Variants in SPECC1 observed in about 807,000 individuals in gnomAD.
SPECC1 encodes the protein sperm antigen with calponin homology and coiled-coil domains 1.
Under a neutral mutation model 104.1 loss-of-function variants are expected in SPECC1, and 62 were observed. That is an observed-to-expected ratio of 0.60 (90% CI 0.49 to 0.74). The LOEUF (loss-of-function observed/expected upper bound fraction) is 0.74. Ranked by LOEUF, SPECC1 falls within the 30% of genes least tolerant of loss-of-function variation. The pLI, the probability that SPECC1 is intolerant of heterozygous loss-of-function variation, is 0.00. For missense variants in SPECC1, 1,306 were observed against 1,310.5 expected (o/e 1.00, Z 0.05); for synonymous variants, 513 against 501.6 (o/e 1.02, Z -0.30).
chr17:20,074,958 A>T (rs1208132493), intron 1 of SPECC1, among the ~76,000 whole-genome samples: 1 of 152,016 alleles, frequency 6.6e-6, no homozygotes, highest in African/African-American at 2.4e-5. Context: ...GCTGGAGTGC[A>T]GTGTCTTGAT....
chr17:20,169,166 G>C (rs1225866447), intron 3 of SPECC1, among the ~76,000 whole-genome samples: 2 of 152,158 alleles, frequency 1.3e-5, no homozygotes, highest in Non-Finnish European at 2.9e-5. Flanking sequence ...AGCCACTCTG[G>C]CCACAATGGT....
intron 12 of SPECC1, among the ~76,000 whole-genome samples, chr17:20,263,700 C>T (rs1417357363): frequency 6.6e-6 from 1 of 152,146 alleles, no homozygotes; most frequent in African/African-American, 2.4e-5. Context: ...ACTGATGCCG[C>T]CTGTGCTGTT....
At chr17:20,051,056 TTCTTTCTTTC>T (rs2045722903) in intron 1 of SPECC1, among the ~76,000 whole-genome samples, 1 of 136,060 alleles carries the variant, frequency 7.3e-6, no homozygotes, top group African/African-American at 2.6e-5. Flanking sequence ...GGTTCTTTCT[TTCTTTCTTTC>T]TTTTTCTTTC....
chr17:20,025,045 A>G (rs1222939284), intron 1 of SPECC1, among the ~76,000 whole-genome samples: 1 of 152,232 alleles, frequency 6.6e-6, no homozygotes, highest in African/African-American at 2.4e-5. Flanking sequence ...AGTTTAGCCT[A>G]GTCAGTGTTC....
chr17:20,092,555 A>T (rs1271555363), intron 1 of SPECC1, among the ~76,000 whole-genome samples: 2 of 152,194 alleles, frequency 1.3e-5, no homozygotes, highest in African/African-American at 4.8e-5. Flanking sequence ...CTCTGTGTAG[A>T]AGAGTGTGTT....
chr17:20,248,482 C>G (rs142106680), intron 9 of SPECC1, among the ~76,000 whole-genome samples: 4 of 152,150 alleles, frequency 2.6e-5, no homozygotes, highest in African/African-American at 7.2e-5. Flanking sequence ...TCCAGCATGT[C>G]GAAAAACTTG....
intron 1 of SPECC1, among the ~76,000 whole-genome samples, chr17:20,086,521 C>T (rs765521267): frequency 6.6e-6 from 1 of 152,214 alleles, no homozygotes; most frequent in Non-Finnish European, 1.5e-5. Flanking sequence ...CACCCTCTGG[C>T]TTCTCTTGTT....
intron 9 of SPECC1, among the ~76,000 whole-genome samples, chr17:20,249,733 T>G (rs2039552940): frequency 6.6e-6 from 1 of 152,018 alleles, no homozygotes; most frequent in Admixed American, 6.5e-5. Context: ...CTTAAAGAAC[T>G]GAAGACAAGT....
chr17:20,277,983 T>C (rs78460626), intron 12 of SPECC1, among the ~76,000 whole-genome samples: 125 of 152,232 alleles, frequency 8.2e-4, no homozygotes, highest in Non-Finnish European at 1.5e-3. Context: ...TTGTGATTTT[T>C]CCTTGTGTCT....
Position 20,306,065 on chromosome 17 carries a change from G to A in SPECC1, c.3100G>A (p.Gly1034Ser), listed in dbSNP as rs753642152. The change falls in exon 14 of 15, where the codon GGC becomes AGC. Residue 1034 changes from glycine to serine, a missense_variant. Physicochemically the swap from Gly to Ser is moderately conservative, Grantham distance 56. Around this residue, in one of 2 missense-constraint regions of SPECC1, gnomAD observed 129 missense variants for 170.6 expected, o/e 0.76. Coordinates refer to ENST00000395527, the MANE Select transcript of SPECC1 (RefSeq NM_001243439.2). The stretch of plus-strand genomic sequence containing the variant: ...GGCATTTGAAGCGGCTGAAAGTGTA[G>A]GCATCAAACCCAGCCTGGTACGTAT... ...LLAFEAAESV[G>S]IKPSLELSEM... 1 of 1,613,948 alleles carries A rather than the reference G, an allele frequency of 6.2e-7. No individual in the cohort carries two copies. Among genetic ancestry groups the A allele is most frequent in the Non-Finnish European group, 8.5e-7 (1 of 1,179,970 alleles).
intron 3 of SPECC1, among the ~76,000 whole-genome samples, chr17:20,116,753 G>A (rs2048773841): frequency 7.1e-6 from 1 of 140,358 alleles, no homozygotes; most frequent in African/African-American, 2.6e-5. Context: ...AATGGGGGAC[G>A]ATTTTGTCCC....
intron 11 of SPECC1, among the ~76,000 whole-genome samples, chr17:20,258,718 G>A (rs1215571086): frequency 6.6e-6 from 1 of 152,194 alleles, no homozygotes; most frequent in Non-Finnish European, 1.5e-5. Context: ...AGCCTGAATC[G>A]TTTTTCTTTT....
At chr17:20,259,610 G>A (rs2703789) in intron 11 of SPECC1, among the ~76,000 whole-genome samples, 107,642 of 151,960 alleles carry the variant, frequency 0.71, 39,929 homozygotes, top group East Asian at 0.99. Context: ...GCCTCAAGCA[G>A]TCCTCCCTTC....
Position 20,314,144 on chromosome 17 carries a change from C to G in SPECC1, c.*79C>G. On this transcript the variant is annotated 3_prime_UTR_variant, in exon 15 of 15. Transcript: ENST00000395527. Reference sequence around the variant, plus strand: ...AGCGCCTGATTACTGTCCACTGACCCTGCTCTGCCCACCACCCAGCTGCCT... The same window carrying G: ...AGCGCCTGATTACTGTCCACTGACCGTGCTCTGCCCACCACCCAGCTGCCT... 1 of 1,228,262 alleles carries G rather than the reference C, an allele frequency of 8.1e-7. No individual in the cohort carries two copies. Among genetic ancestry groups the G allele is most frequent in the Non-Finnish European group, 1.2e-6 (1 of 851,680 alleles). The allele number at this position is 1,228,262 out of a possible 1,614,324, so 76.1% of individuals were successfully genotyped here. A position where few individuals can be genotyped will look rare whatever the true frequency, so the allele number is the denominator to read the frequency against.
chr17:20,270,406 G>A (rs933742594), intron 12 of SPECC1, among the ~76,000 whole-genome samples: 1 of 120,678 alleles, frequency 8.3e-6, no homozygotes, highest in Non-Finnish European at 1.6e-5. Flanking sequence ...CACCAGCCTG[G>A]GCAACATAGC....
chr17:20,261,791 G>A (rs2040034801), intron 12 of SPECC1, among the ~76,000 whole-genome samples: 1 of 152,106 alleles, frequency 6.6e-6, no homozygotes, highest in Admixed American at 6.6e-5. Flanking sequence ...TTTTTCTTGT[G>A]AAATACACAA....
chr17:20,107,050 C>G (rs573035965), intron 2 of SPECC1, among the ~76,000 whole-genome samples: 73 of 141,394 alleles, frequency 5.2e-4, no homozygotes, highest in South Asian at 9.0e-4. Context: ...CCAACTACTA[C>G]TTGGGAGGAT....
chr17:20,068,069 C>T (rs1438506407), intron 1 of SPECC1, among the ~76,000 whole-genome samples: 3 of 152,044 alleles, frequency 2.0e-5, no homozygotes, highest in Non-Finnish European at 4.4e-5. Context: ...CAACCTCTGC[C>T]ATCCTCCCAC....
At chr17:20,227,647 G>C in intron 5 of SPECC1, 27 bp downstream of exon 5, 1 of 1,602,844 alleles carries the variant, frequency 6.2e-7, no homozygotes. Context: ...AGGCATGGTG[G>C]CTCACACCTA....
Sources: gnomAD v4.1 joint callset for allele counts (sites outside exome capture counted in the v4.1 genomes callset) on GRCh38, gnomAD v4.1.1 for gene constraint, gnomAD v4.1.1 regional missense constraint, MANE v1.5 for transcripts, NCBI Gene and HGNC (gene_info 2026-07-23, HGNC 2026-07-21) for gene names.